Variants in ZNF516 observed in about 807,000 individuals in gnomAD.
ZNF516 encodes the protein zinc finger protein 516.
In ZNF516, 19 loss-of-function variants were observed where a neutral mutation model predicts 79.7. The observed-to-expected ratio is 0.24, with a 90% confidence interval of 0.17 to 0.35. The LOEUF is 0.35. ZNF516 is among the 10% of genes least tolerant of loss of function. The pLI is 1.00. For missense variants in ZNF516, 1,678 were observed against 1,679.5 expected (o/e 1.00, Z 0.02); for synonymous variants, 877 against 739.5 (o/e 1.19, Z -3.02).
intron 3 of ZNF516, among the ~76,000 whole-genome samples, chr18:76,411,819 G>A (rs755518636): frequency 2.6e-5 from 4 of 152,190 alleles, no homozygotes; most frequent in Non-Finnish European, 5.9e-5. Context: ...GCAGTGGGGA[G>A]ACAGTGCCTG....
chr18:76,486,259 C>T (rs1599164850), intron 1 of ZNF516, among the ~76,000 whole-genome samples: 1 of 152,214 alleles, frequency 6.6e-6, no homozygotes, highest in East Asian at 1.9e-4. Flanking sequence ...TTTCAAAGAA[C>T]ATTCTCGAAT....
At position 76,416,910 on chromosome 18, in the gene ZNF516, T is replaced by C. The variant is rs148254273; in HGVS notation, c.1810+24335A>G. ...GACTTTAATCTCAAATTACCGCTGT[T>C]GTTAATAAGCAAACAAAAAAGAAAA... is the stretch of plus-strand genomic sequence containing the variant. On this transcript the variant is annotated intron_variant, in intron 3 of 6. Transcript: ENST00000443185. Among the ~76,000 whole-genome samples, 1,374 of 152,202 alleles carry C rather than the reference T, an allele frequency of 9.0e-3. 20 individuals are homozygous for C. Among genetic ancestry groups the C allele is most frequent in the African/African-American group, 0.031 (1,266 of 41,496 alleles).
Position 76,362,572 on chromosome 18 carries a change from G to A in ZNF516, c.3433-15C>T. 1 of 1,604,366 alleles carries A rather than the reference G, an allele frequency of 6.2e-7. No individual in the cohort carries two copies. The highest frequency in any genetic ancestry group is 8.5e-7 in the Non-Finnish European group (1 of 1,172,008). ...TGGTCTCTCCCCTGGGTGAGAAAAA[G>A]GAAAGAACAGGAGAAAAGCTCATTT... On this transcript the variant is annotated splice_polypyrimidine_tract_variant and intron_variant, in intron 6 of 6. Coordinates refer to ENST00000443185, the MANE Select transcript of ZNF516 (RefSeq NM_014643.4).
chr18:76,362,756 T>C (rs1168482296), intron 6 of ZNF516, among the ~76,000 whole-genome samples, 199 bp from the exon 7 acceptor site: 1 of 152,204 alleles, frequency 6.6e-6, no homozygotes, highest in Non-Finnish European at 1.5e-5. Context: ...GTATTTCAAA[T>C]GTGCCTTCCT....
At chr18:76,420,854 T>TAC (rs1191133084) in intron 3 of ZNF516, among the ~76,000 whole-genome samples, 1 of 152,226 alleles carries the variant, frequency 6.6e-6, no homozygotes, top group Non-Finnish European at 1.5e-5. Context: ...CATGAATGGG[T>TAC]ACTTCATCCA....
At chr18:76,447,683 G>A (rs665054) in intron 2 of ZNF516, among the ~76,000 whole-genome samples, 2,478 of 152,288 alleles carry the variant, frequency 0.016, 74 homozygotes, top group African/African-American at 0.056. Context: ...CACCTCGGAC[G>A]GCAGGGACCC....
At chr18:76,462,243 A>C (rs1913163291) in intron 2 of ZNF516, among the ~76,000 whole-genome samples, 1 of 152,186 alleles carries the variant, frequency 6.6e-6, no homozygotes, top group South Asian at 2.1e-4. Context: ...CAGATTTGCA[A>C]AACTCAGAGA....
chr18:76,442,053 G>A lies in ZNF516; in HGVS notation c.1002C>T (p.Tyr334=), dbSNP rs565408644. 9.7e-5 allele frequency: 156 copies of A among 1,614,000 alleles called. No homozygotes were observed. In the East Asian group the frequency reaches 1.9e-3, roughly 19 times the overall value. The change falls in exon 3 of 7, where the codon TAC becomes TAT. Residue 334 remains tyrosine (Y), a synonymous_variant. Transcript: ENST00000443185. Reference sequence around the variant, plus strand: ...GGTTCCCGCACTTGGCGCAGACCTCGTAGAGGCTCAGGCCGGCGACGATCA... The same window carrying A: ...GGTTCCCGCACTTGGCGCAGACCTCATAGAGGCTCAGGCCGGCGACGATCA... ...EEVIVAGLSL[Y]EVCAKCGNLF... is the part of the protein sequence containing the mutation.
At chr18:76,450,000 T>C (rs1177635171) in intron 2 of ZNF516, among the ~76,000 whole-genome samples, 1 of 152,162 alleles carries the variant, frequency 6.6e-6, no homozygotes, top group Non-Finnish European at 1.5e-5. Flanking sequence ...TAAACCTCAA[T>C]ATGGACTGGA....
rs1912403079 is a variant in ZNF516, at chr18:76,451,370, C to T, written c.-157-8159G>A. 6.6e-6 allele frequency among the ~76,000 whole-genome samples: 1 copy of T among 152,148 alleles called. No individual in the cohort carries two copies. The highest frequency in any genetic ancestry group is 1.9e-4 in the East Asian group (1 of 5,196). On this transcript the variant is annotated intron_variant, in intron 2 of 6. Coordinates refer to ENST00000443185, the MANE Select transcript of ZNF516 (RefSeq NM_014643.4). The surrounding 1 kb of genome is among the most constrained non-coding windows in gnomAD (Gnocchi z 6.0). Reference sequence around the variant, plus strand: ...TCCGCGGGTGCAGGGGGGTGACAGCCCGGTCCTGCGCACATCTCCGCTGAC... The same window carrying T: ...TCCGCGGGTGCAGGGGGGTGACAGCTCGGTCCTGCGCACATCTCCGCTGAC...
chr18:76,487,758 T>G (rs1338478073), intron 1 of ZNF516, among the ~76,000 whole-genome samples: 4 of 118,126 alleles, frequency 3.4e-5, no homozygotes, highest in African/African-American at 5.2e-5. Flanking sequence ...CCTGCCCCAC[T>G]CCCAAACTCA....
At chr18:76,384,276 C>A (rs1401239604) in intron 3 of ZNF516, among the ~76,000 whole-genome samples, 1 of 149,554 alleles carries the variant, frequency 6.7e-6, no homozygotes, top group East Asian at 2.0e-4. Context: ...GCCCCCACGC[C>A]CCCACCAGGG....
intron 1 of ZNF516, among the ~76,000 whole-genome samples, chr18:76,470,750 A>C (rs1268294429): frequency 1.3e-5 from 2 of 152,118 alleles, no homozygotes; most frequent in South Asian, 2.1e-4. Context: ...CGCGGTGGCT[A>C]CCGCCTGTAA....
intron 2 of ZNF516, 63 bp from the exon 3 acceptor site, chr18:76,443,274 G>A (rs1412065908): frequency 3.1e-6 from 2 of 639,402 alleles, no homozygotes; most frequent in East Asian, 3.1e-5. Flanking sequence ...GCATGGCTGC[G>A]GGAACCCCCA....
intron 3 of ZNF516, among the ~76,000 whole-genome samples, chr18:76,405,083 G>C (rs931055119): frequency 8.5e-5 from 13 of 152,148 alleles, no homozygotes; most frequent in Non-Finnish European, 1.9e-4. Flanking sequence ...GCAGATACTC[G>C]CTTTCCTCAG....
intron 1 of ZNF516, among the ~76,000 whole-genome samples, chr18:76,488,918 G>C (rs1346521744): frequency 6.6e-6 from 1 of 152,176 alleles, no homozygotes; most frequent in Non-Finnish European, 1.5e-5. Context: ...ATTAACAGAA[G>C]TCCTTTTCCC....
chr18:76,484,452 T>C (rs1483772636), intron 1 of ZNF516, among the ~76,000 whole-genome samples: 1 of 152,208 alleles, frequency 6.6e-6, no homozygotes, highest in African/African-American at 2.4e-5. Flanking sequence ...CAAGTCAATG[T>C]AACACTCCTA....
At chr18:76,489,143 T>A (rs1349690299) in intron 1 of ZNF516, among the ~76,000 whole-genome samples, 3 of 152,248 alleles carry the variant, frequency 2.0e-5, no homozygotes, top group Admixed American at 6.5e-5. Flanking sequence ...CACCAAATTC[T>A]TTTTAAAAGA....
At chr18:76,399,246 C>T (rs902664847) in intron 3 of ZNF516, among the ~76,000 whole-genome samples, 1 of 152,192 alleles carries the variant, frequency 6.6e-6, no homozygotes, top group Non-Finnish European at 1.5e-5. Flanking sequence ...ATCATCAGGA[C>T]AAATGCAAAA....
Sources: gnomAD v4.1 joint callset for allele counts (sites outside exome capture counted in the v4.1 genomes callset) on GRCh38, gnomAD v4.1.1 for gene constraint, Gnocchi (gnomAD v3.1) non-coding constraint, MANE v1.5 for transcripts, NCBI Gene and HGNC (gene_info 2026-07-23, HGNC 2026-07-21) for gene names.